Variants in GPC5 observed in about 807,000 individuals in gnomAD.
GPC5 encodes glypican 5, also known as glypican-5.
In GPC5, 47 loss-of-function variants were observed where a neutral mutation model predicts 53.9. That is an observed-to-expected ratio of 0.87 (90% confidence interval 0.69 to 1.11). The LOEUF (loss-of-function observed/expected upper bound fraction) is 1.11. Among genes scored for constraint, GPC5 ranks in the 50% most tolerant of loss-of-function variants. The probability of loss-of-function intolerance (pLI) is 0.00; values close to 1 mark genes in which losing one functional copy is unlikely to be tolerated. For synonymous variants in GPC5, 286 were observed against 263.3 expected, an observed-to-expected ratio of 1.09 and a Z score of -0.84; for missense variants, 748 against 713.1, an observed-to-expected ratio of 1.05 and a Z score of -0.56.
chr13:92,235,562 C>T (rs867681257), intron 7 of GPC5, among the ~76,000 whole-genome samples: 3 of 151,936 alleles, frequency 2.0e-5, no homozygotes, highest in South Asian at 4.1e-4. Context: ...GGATGGTGTT[C>T]GATTTAGAGA....
chr13:92,296,973 C>CCGG (rs2043040598), intron 7 of GPC5, among the ~76,000 whole-genome samples: 1 of 152,162 alleles, frequency 6.6e-6, no homozygotes, highest in South Asian at 2.1e-4. Flanking sequence ...CCTGTGTGGC[C>CCGG]CGAGCCTCCC....
At chr13:92,763,979 C>G (rs1048905469) in intron 7 of GPC5, among the ~76,000 whole-genome samples, 1 of 152,164 alleles carries the variant, frequency 6.6e-6, no homozygotes, top group Non-Finnish European at 1.5e-5. Context: ...CCCAGACTCT[C>G]AGTGGACTAG....
intron 2 of GPC5, among the ~76,000 whole-genome samples, chr13:91,493,166 C>T (rs1362767897): frequency 6.6e-6 from 1 of 152,190 alleles, no homozygotes; most frequent in Non-Finnish European, 1.5e-5. Flanking sequence ...TGCATAAGTG[C>T]AGCAGAACAG....
intron 7 of GPC5, among the ~76,000 whole-genome samples, chr13:92,382,710 T>A (rs1397557520): frequency 6.6e-6 from 1 of 152,038 alleles, no homozygotes; most frequent in Non-Finnish European, 1.5e-5. Context: ...ATAATGCACA[T>A]CATAAGAAAT....
chr13:91,692,425 G>T (rs1004132196), intron 2 of GPC5, among the ~76,000 whole-genome samples: 1 of 152,098 alleles, frequency 6.6e-6, no homozygotes, highest in Non-Finnish European at 1.5e-5. Flanking sequence ...CAACCAGTGT[G>T]TAATCTACTA....
At chr13:92,662,726 C>CT (rs1886392068) in intron 7 of GPC5, among the ~76,000 whole-genome samples, 1 of 152,162 alleles carries the variant, frequency 6.6e-6, no homozygotes, top group Non-Finnish European at 1.5e-5. Context: ...GAAAGATACT[C>CT]ACCAAAGTCC....
At chr13:92,403,667 G>T (rs549128244) in intron 7 of GPC5, among the ~76,000 whole-genome samples, 23 of 152,276 alleles carry the variant, frequency 1.5e-4, no homozygotes, top group African/African-American at 5.5e-4. Context: ...GGACCACTGT[G>T]CTAAAGCATT....
chr13:92,682,455 G>T (rs1887140155), intron 7 of GPC5, among the ~76,000 whole-genome samples: 1 of 152,124 alleles, frequency 6.6e-6, no homozygotes, highest in African/African-American at 2.4e-5. Flanking sequence ...TCTATATGTG[G>T]TGGAGCACAT....
At chr13:92,018,139 C>T (rs2040725368) in intron 6 of GPC5, among the ~76,000 whole-genome samples, 2 of 152,078 alleles carry the variant, frequency 1.3e-5, no homozygotes, top group South Asian at 4.1e-4. Context: ...TAATGAAATG[C>T]AACCCCGGTG....
intron 6 of GPC5, among the ~76,000 whole-genome samples, chr13:92,120,075 G>A (rs377354930): frequency 2.6e-5 from 4 of 152,098 alleles, no homozygotes; most frequent in Admixed American, 2.0e-4. Context: ...AGTAAATGCA[G>A]GTGTTGAAGT....
intron 3 of GPC5, among the ~76,000 whole-genome samples, chr13:91,725,933 C>T (rs1417176152): frequency 6.6e-6 from 1 of 152,102 alleles, no homozygotes; most frequent in Non-Finnish European, 1.5e-5. Flanking sequence ...TTCTGTTTCC[C>T]TTCCTCTTTG....
chr13:91,903,991 G>A (rs1173041100), intron 5 of GPC5, among the ~76,000 whole-genome samples: 1 of 151,884 alleles, frequency 6.6e-6, no homozygotes, highest in Non-Finnish European at 1.5e-5. Context: ...GTATTTTCTG[G>A]AGAAACAGAA....
At chr13:91,758,697 G>A (rs2037346739) in intron 5 of GPC5, among the ~76,000 whole-genome samples, 2 of 152,240 alleles carry the variant, frequency 1.3e-5, no homozygotes, top group Admixed American at 6.5e-5. Context: ...TCTGATTAGC[G>A]AAGTGTGTGA....
intron 7 of GPC5, among the ~76,000 whole-genome samples, chr13:92,619,358 T>C (rs1884798131): frequency 6.6e-6 from 1 of 152,014 alleles, no homozygotes; most frequent in East Asian, 1.9e-4. Context: ...GCATTTATTA[T>C]TTAAAATAGA....
intron 7 of GPC5, among the ~76,000 whole-genome samples, chr13:92,571,381 G>C (rs1406641970): frequency 6.6e-6 from 1 of 152,190 alleles, no homozygotes; most frequent in Non-Finnish European, 1.5e-5. Context: ...GTAAGTGAAA[G>C]AAGGAGCCAG....
chr13:91,557,543 C>T lies in GPC5; in HGVS notation c.325+108621C>T, dbSNP rs143123908. ...CCAGGGCTCCATCTTCTGTTGGTCT[C>T]AGTTGTTCAGGTGACAGAGCAGAGT... On this transcript the variant is annotated intron_variant, in intron 2 of 7. Transcript: ENST00000377067. Among the ~76,000 whole-genome samples the T allele has an allele frequency of 1.3e-3, 192 of 152,218 alleles. 1 individual carries two copies. Among genetic ancestry groups the T allele is most frequent in the African/African-American group, 4.2e-3 (174 of 41,554 alleles).
At chr13:91,899,577 A>G (rs187187608) in intron 5 of GPC5, among the ~76,000 whole-genome samples, 16 of 152,264 alleles carry the variant, frequency 1.1e-4, no homozygotes, top group African/African-American at 3.4e-4. Flanking sequence ...ATTTATGTCC[A>G]CTAGATACTT....
chr13:91,799,248 G>A (rs1271850797), intron 5 of GPC5, among the ~76,000 whole-genome samples: 2 of 152,148 alleles, frequency 1.3e-5, no homozygotes, highest in Non-Finnish European at 2.9e-5. Context: ...ATCAAATATT[G>A]CCTATTCTCA....
chr13:91,860,886 A>C (rs1352159920), intron 5 of GPC5, among the ~76,000 whole-genome samples: 1 of 152,174 alleles, frequency 6.6e-6, no homozygotes, highest in Non-Finnish European at 1.5e-5. Context: ...ATAGTGCTGC[A>C]ATAAACATCG....
Sources: allele counts gnomAD v4.1 joint callset (sites outside exome capture counted in the v4.1 genomes callset), GRCh38; gene constraint gnomAD v4.1.1; transcripts MANE v1.5; gene names NCBI Gene and HGNC (gene_info 2026-07-23, HGNC 2026-07-21).